Variants in FABP12 observed in about 807,000 individuals in gnomAD.
FABP12 encodes the protein fatty acid-binding protein 12.
Under a neutral mutation model 13.7 loss-of-function variants are expected in FABP12, and 19 were observed. That is an observed-to-expected ratio of 1.39 (90% CI 0.97 to 2.04). The LOEUF is 2.04. Among genes scored for constraint, FABP12 ranks in the 30% most tolerant of loss-of-function variants. The pLI, the probability that FABP12 is intolerant of heterozygous loss-of-function variation, is 0.00. For synonymous variants in FABP12, 61 were observed against 57.0 expected (o/e 1.07, Z -0.32); for missense variants, 182 against 164.2 (o/e 1.11, Z -0.59).
intron 1 of FABP12, among the ~76,000 whole-genome samples, chr8:81,581,384 A>G (rs1436875954): frequency 6.6e-6 from 1 of 152,234 alleles, no homozygotes; most frequent in Non-Finnish European, 1.5e-5. Flanking sequence ...TTCCCTACCC[A>G]TGACTAAGAT....
At chr8:81,526,986 A>G (rs16909306) in intron 4 of FABP12, 34 bp downstream of exon 4, 133,710 of 1,208,632 alleles carry the variant, frequency 0.11, 9,109 homozygotes, top group African/African-American at 0.28. Flanking sequence ...GTCGTTGCAG[A>G]AGGTGGGAAG....
intron 1 of FABP12, among the ~76,000 whole-genome samples, chr8:81,577,540 C>T (rs1035580354): frequency 2.0e-4 from 31 of 152,102 alleles, no homozygotes; most frequent in African/African-American, 5.8e-4. Context: ...GGGCAGATCA[C>T]TTGAGGTCAG....
upstream of FABP12, among the ~76,000 whole-genome samples, chr8:81,537,810 G>T (rs116361592): frequency 1.3e-5 from 2 of 152,166 alleles, no homozygotes; most frequent in Non-Finnish European, 2.9e-5. Context: ...GATGAGGCAC[G>T]TGGTCTTCCA....
intron 1 of FABP12, among the ~76,000 whole-genome samples, chr8:81,569,902 G>A (rs73692936): frequency 0.048 from 7,358 of 152,262 alleles, 222 homozygotes; most frequent in East Asian, 0.16. Context: ...TACTGGGCTC[G>A]TTCTGCCCGC....
At chr8:81,534,601 C>G (rs374825458), upstream of FABP12, among the ~76,000 whole-genome samples, 1 of 152,164 alleles carries the variant, frequency 6.6e-6, no homozygotes, top group East Asian at 1.9e-4. Context: ...AGTGTCCAGA[C>G]AGCCTAGATC....
At chr8:81,570,972 C>G (rs1307694050) in intron 1 of FABP12, among the ~76,000 whole-genome samples, 1 of 152,072 alleles carries the variant, frequency 6.6e-6, no homozygotes, top group Non-Finnish European at 1.5e-5. Flanking sequence ...AGCCCGTATG[C>G]CTCCTGCCAC....
At chr8:81,582,129 T>TTC (rs1162972905) in intron 1 of FABP12, among the ~76,000 whole-genome samples, 82 of 141,754 alleles carry the variant, frequency 5.8e-4, no homozygotes, top group Non-Finnish European at 9.9e-4. Context: ...TTTTTTTTTT[T>TTC]TTTTTTTTTT....
At chr8:81,555,532 G>A (rs1468833106) in intron 1 of FABP12, among the ~76,000 whole-genome samples, 1 of 152,174 alleles carries the variant, frequency 6.6e-6, no homozygotes, top group Non-Finnish European at 1.5e-5. Flanking sequence ...AGTGACTAAT[G>A]AAATTTCCAT....
At chr8:81,571,554 C>T (rs1437433791) in intron 1 of FABP12, among the ~76,000 whole-genome samples, 2 of 152,186 alleles carry the variant, frequency 1.3e-5, no homozygotes, top group Non-Finnish European at 2.9e-5. Flanking sequence ...TTTCAAATAC[C>T]GTAACTTATT....
intron 1 of FABP12, among the ~76,000 whole-genome samples, chr8:81,546,645 G>T (rs745760839): frequency 8.5e-5 from 13 of 152,156 alleles, no homozygotes; most frequent in Non-Finnish European, 1.8e-4. Flanking sequence ...GACAGAGCGA[G>T]ACTCCGTCTC....
chr8:81,563,826 GGCCTTAAAGAGTAGAGGCTTTAAAGA>G (rs1809770017), intron 1 of FABP12, among the ~76,000 whole-genome samples: 1 of 152,100 alleles, frequency 6.6e-6, no homozygotes, highest in Non-Finnish European at 1.5e-5. Flanking sequence ...AAGAGTTATT[GGCCTTAAAGAGTAGAGGCTTTAAAGA>G]GTAGAGGGTA....
At position 81,577,618 on chromosome 8, in the gene FABP12, G is replaced by C. The variant is rs952048974; in HGVS notation, c.-185+12435C>G. On this transcript the variant is annotated intron_variant, in intron 1 of 5. Transcript: ENST00000692030. ...TATTAAAAACACAAAAAAATTAGCT[G>C]GGCATGGTGGCACAGGCCCGTAATT... 2.6e-5 allele frequency among the ~76,000 whole-genome samples: 4 copies of C among 152,096 alleles called. No individual in the cohort carries two copies. The East Asian group carries it at 7.7e-4, about 29-fold the overall frequency.
intron 1 of FABP12, among the ~76,000 whole-genome samples, chr8:81,581,294 G>A (rs1810157586): frequency 6.6e-6 from 1 of 152,148 alleles, no homozygotes; most frequent in Non-Finnish European, 1.5e-5. Context: ...GATCATAAGT[G>A]TCTCTTTCCT....
At chr8:81,539,433 C>CTTTTTTTTTTTTTTTT (rs35386904) in intron 2 of FABP12, among the ~76,000 whole-genome samples, 35 of 50,036 alleles carry the variant, frequency 7.0e-4, no homozygotes, top group Admixed American at 1.3e-3. Context: ...TTCTTTAGTT[C>CTTTTTTTTTTTTTTTT]TTTTTTTTTT....
chr8:81,561,092 A>G (rs1809716676), intron 1 of FABP12, among the ~76,000 whole-genome samples: 1 of 152,114 alleles, frequency 6.6e-6, no homozygotes, highest in Non-Finnish European at 1.5e-5. Context: ...AAGCAACAGG[A>G]TTTGGTGGAA....
At chr8:81,552,792 T>C (rs1809542525) in intron 1 of FABP12, among the ~76,000 whole-genome samples, 2 of 152,090 alleles carry the variant, frequency 1.3e-5, no homozygotes, top group South Asian at 4.1e-4. Context: ...ATATAGTAGG[T>C]AACTTAGAAG....
At chr8:81,552,637 A>T (rs1809539260) in intron 1 of FABP12, among the ~76,000 whole-genome samples, 1 of 152,180 alleles carries the variant, frequency 6.6e-6, no homozygotes. Flanking sequence ...AGATTTAAGA[A>T]GAATCAGGGG....
At chr8:81,537,175 T>G (rs924267344), upstream of FABP12, among the ~76,000 whole-genome samples, 1 of 152,196 alleles carries the variant, frequency 6.6e-6, no homozygotes, top group African/African-American at 2.4e-5. Flanking sequence ...AAAAGTAACA[T>G]GAGATGGTTA....
At position 81,530,809 on chromosome 8, in the gene FABP12, A is replaced by G. The variant is rs537066918; in HGVS notation, c.73+434T>C. On this transcript the variant is annotated intron_variant, in intron 2 of 4. Transcript: ENST00000360464. ...GAAGAGGGATGCTATACTACAGAAGAAGAGAGAGCAGTGTGAAAATGGGAG... is the reference window on the plus strand; with the variant it reads ...GAAGAGGGATGCTATACTACAGAAGGAGAGAGAGCAGTGTGAAAATGGGAG... 3.0e-4 allele frequency among the ~76,000 whole-genome samples: 46 copies of G among 152,284 alleles called. No individual in the cohort carries two copies. The East Asian group carries it at 7.9e-3, about 26-fold the overall frequency.
Sources: gnomAD v4.1 joint callset for allele counts (sites outside exome capture counted in the v4.1 genomes callset) on GRCh38, gnomAD v4.1.1 for gene constraint, MANE v1.5 for transcripts, NCBI Gene and HGNC (gene_info 2026-07-23, HGNC 2026-07-21) for gene names.